The following SMYD3 variants were observed in gnomAD, a reference collection of about 807,000 sequenced individuals.
SMYD3 encodes SET and MYND domain containing 3.
SMYD3 carries 36 observed loss-of-function variants against 57.7 expected under a neutral mutation model. The ratio of observed to expected loss-of-function variants is 0.62; its 90% confidence interval spans 0.48 to 0.82. SMYD3 has a LOEUF of 0.82. Ranked by LOEUF, SMYD3 falls within the 40% of genes least tolerant of loss-of-function variation. The probability of loss-of-function intolerance (pLI) is 0.00; values close to 1 mark genes in which losing one functional copy is unlikely to be tolerated. For synonymous variants in SMYD3, 211 were observed against 195.0 expected, an observed-to-expected ratio of 1.08 and a Z score of -0.68; for missense variants, 515 against 538.8, an observed-to-expected ratio of 0.96 and a Z score of 0.44.
intron 2 of SMYD3, among the ~76,000 whole-genome samples, chr1:246,349,074 C>A (rs988788067): frequency 3.3e-5 from 5 of 151,876 alleles, no homozygotes; most frequent in African/African-American, 1.2e-4. Flanking sequence ...TAGACCCACC[C>A]GCATGAAATG....
At chr1:246,010,844 G>C (rs1422889192) in intron 5 of SMYD3, among the ~76,000 whole-genome samples, 1 of 152,178 alleles carries the variant, frequency 6.6e-6, no homozygotes, top group Non-Finnish European at 1.5e-5. Flanking sequence ...AAAACATTAA[G>C]CTAAAGAAGG....
chr1:246,089,944 G>C (rs1383708935), intron 5 of SMYD3, among the ~76,000 whole-genome samples: 1 of 151,430 alleles, frequency 6.6e-6, no homozygotes, highest in Non-Finnish European at 1.5e-5. Flanking sequence ...GGGAAATGTG[G>C]GTATGGAGAA....
chr1:245,869,360 C>T (rs1007904702), intron 8 of SMYD3, among the ~76,000 whole-genome samples: 2 of 152,182 alleles, frequency 1.3e-5, no homozygotes, highest in South Asian at 2.1e-4. Context: ...TGCCCTGACC[C>T]ACTGCATGAC....
rs762861964 is a variant in SMYD3 at position 246,199,630 on chromosome 1, C to A, written c.531+127571G>T. On this transcript the variant is annotated intron_variant, in intron 5 of 11. Transcript: ENST00000490107. ...GTTTGACACATTTCCAATATCTTGT[C>A]ACGTACAAAATTCAGAAGAGCACAC... Among the ~76,000 whole-genome samples the A allele has an allele frequency of 2.0e-5, 3 of 152,214 alleles. 1 individual carries two copies. Among genetic ancestry groups the A allele is most frequent in the Non-Finnish European group, 4.4e-5 (3 of 68,048 alleles).
chr1:246,008,983 C>T (rs992175822), intron 5 of SMYD3, among the ~76,000 whole-genome samples: 2 of 152,152 alleles, frequency 1.3e-5, no homozygotes, highest in Non-Finnish European at 2.9e-5. Context: ...TTGCTAGCAG[C>T]GTGGCCTTGG....
intron 1 of SMYD3, among the ~76,000 whole-genome samples, chr1:246,365,200 A>C (rs1281656509): frequency 6.6e-6 from 1 of 152,164 alleles, no homozygotes; most frequent in Non-Finnish European, 1.5e-5. Context: ...AGCAGGTACC[A>C]TATAAGAGTT....
chr1:246,439,086 A>G (rs1486075157), intron 1 of SMYD3, among the ~76,000 whole-genome samples: 1 of 101,638 alleles, frequency 9.8e-6, no homozygotes, highest in Non-Finnish European at 1.9e-5. Flanking sequence ...TACTATTTTT[A>G]TTGCCACATT....
At chr1:246,261,565 T>C (rs754473335) in intron 5 of SMYD3, among the ~76,000 whole-genome samples, 32 of 152,116 alleles carry the variant, frequency 2.1e-4, no homozygotes, top group Non-Finnish European at 3.8e-4. Context: ...AAATAATTGG[T>C]GTAGAAGTCA....
At chr1:246,110,098 C>T (rs1219152615) in intron 5 of SMYD3, among the ~76,000 whole-genome samples, 2 of 152,194 alleles carry the variant, frequency 1.3e-5, no homozygotes, top group Non-Finnish European at 2.9e-5. Flanking sequence ...TACACCAAAA[C>T]TGTGAAACTC....
At chr1:246,012,720 A>T (rs1423966689) in intron 5 of SMYD3, among the ~76,000 whole-genome samples, 4 of 149,216 alleles carry the variant, frequency 2.7e-5, no homozygotes, top group African/African-American at 7.3e-5. Context: ...ACAGCAAAGC[A>T]GGGAAAAGGC....
intron 5 of SMYD3, among the ~76,000 whole-genome samples, chr1:246,169,766 T>C (rs918683853): frequency 6.6e-6 from 1 of 152,014 alleles, no homozygotes; most frequent in Non-Finnish European, 1.5e-5. Flanking sequence ...TAGCAGGGCA[T>C]TGTGGCACAA....
chr1:246,472,853 CTTTTTTTTTTT>C (rs74163449), intron 1 of SMYD3, among the ~76,000 whole-genome samples: 11 of 102,928 alleles, frequency 1.1e-4, no homozygotes, highest in African/African-American at 3.6e-4. Context: ...TCTCAAATTT[CTTTTTTTTTTT>C]TTTTTTTTTT....
chr1:246,114,561 C>A (rs1424814292), intron 5 of SMYD3, among the ~76,000 whole-genome samples: 1 of 152,212 alleles, frequency 6.6e-6, no homozygotes, highest in Non-Finnish European at 1.5e-5. Flanking sequence ...CCTTTCAGCC[C>A]CTGCCTCTTG....
chr1:246,442,790 C>T (rs976478344), intron 1 of SMYD3, among the ~76,000 whole-genome samples: 2 of 151,860 alleles, frequency 1.3e-5, no homozygotes, highest in Non-Finnish European at 2.9e-5. Flanking sequence ...ACTGCTTCCT[C>T]AAAGCTTTTG....
intron 11 of SMYD3, among the ~76,000 whole-genome samples, chr1:245,755,898 C>G (rs1360530039): frequency 6.6e-6 from 1 of 151,888 alleles, no homozygotes; most frequent in East Asian, 1.9e-4. Flanking sequence ...ACATAGACTA[C>G]TGACATAATT....
chr1:245,764,333 A>G (rs1413529663), intron 10 of SMYD3, among the ~76,000 whole-genome samples, 184 bp from the exon 11 acceptor site: 3 of 152,082 alleles, frequency 2.0e-5, no homozygotes, highest in Admixed American at 6.5e-5. Flanking sequence ...ACTGGTCTCC[A>G]GCTCCTCAGA....
intron 5 of SMYD3, among the ~76,000 whole-genome samples, chr1:246,173,278 C>CTGTA (rs1280733143): frequency 6.6e-6 from 1 of 152,078 alleles, no homozygotes; most frequent in Non-Finnish European, 1.5e-5. Flanking sequence ...CTGTACTCTA[C>CTGTA]TGTAGACTTT....
chr1:246,459,170 TCTG>T lies in SMYD3; in HGVS notation c.164+47881_164+47883del, dbSNP rs555675828. ...CACGTCCCCCTTCACTCTCTCCTGC[TCTG>T]CTGTTCTCGTGATAGTTCTCGCGAG... On this transcript the variant is annotated intron_variant, in intron 1 of 11. Transcript: ENST00000490107. 4.5e-3 allele frequency among the ~76,000 whole-genome samples: 686 copies of T among 152,242 alleles called. 1 individual carries two copies. Among genetic ancestry groups the T allele is most frequent in the African/African-American group, 0.01 (432 of 41,544 alleles).
intron 5 of SMYD3, among the ~76,000 whole-genome samples, chr1:246,267,901 T>C (rs1379056094): frequency 1.3e-5 from 2 of 152,218 alleles, no homozygotes; most frequent in Non-Finnish European, 2.9e-5. Context: ...CTTTGTTCTG[T>C]CAATCCCTAA....
Sources: allele counts gnomAD v4.1 joint callset (sites outside exome capture counted in the v4.1 genomes callset), GRCh38; gene constraint gnomAD v4.1.1; transcripts MANE v1.5; gene names NCBI Gene and HGNC (gene_info 2026-07-23, HGNC 2026-07-21).